DPP10: variants seen among roughly 807,000 people sequenced by gnomAD.
The protein encoded by DPP10 is dipeptidyl peptidase like 10, also known as inactive dipeptidyl peptidase 10.
Under a neutral mutation model 120.9 loss-of-function variants are expected in DPP10, and 33 were observed. The observed-to-expected ratio is 0.27, with a 90% CI of 0.21 to 0.37. The LOEUF (loss-of-function observed/expected upper bound fraction) is 0.37. Ranked by LOEUF, DPP10 falls within the 10% of genes least tolerant of loss-of-function variation. The pLI is 1.00. For synonymous variants in DPP10, 337 were observed against 326.1 expected (o/e 1.03, Z -0.36); for missense variants, 816 against 942.8 (o/e 0.87, Z 1.76).
intron 5 of DPP10, among the ~76,000 whole-genome samples, chr2:115,634,598 C>T (rs1205527737): frequency 6.6e-6 from 1 of 152,156 alleles, no homozygotes; most frequent in Non-Finnish European, 1.5e-5. Context: ...CCTCTGGGAT[C>T]TCTGTACCAG....
chr2:114,774,936 C>T (rs945877503), intron 1 of DPP10, among the ~76,000 whole-genome samples: 4 of 151,882 alleles, frequency 2.6e-5, no homozygotes, highest in African/African-American at 9.7e-5. Flanking sequence ...ATTCTCTAAG[C>T]AATTCTTAGT....
intron 3 of DPP10, among the ~76,000 whole-genome samples, chr2:115,485,287 T>A (rs1262664069): frequency 6.7e-6 from 1 of 150,342 alleles, no homozygotes; most frequent in African/African-American, 2.5e-5. Context: ...TACATATGCT[T>A]GAGAAGTTAT....
At chr2:115,776,104 A>G (rs1394367508) in intron 13 of DPP10, among the ~76,000 whole-genome samples, 1 of 152,136 alleles carries the variant, frequency 6.6e-6, no homozygotes, top group Non-Finnish European at 1.5e-5. Flanking sequence ...ATCAGAGTGA[A>G]GTAGCTTGAG....
At chr2:114,448,727 C>T (rs1435036898) in intron 1 of DPP10, among the ~76,000 whole-genome samples, 1 of 152,160 alleles carries the variant, frequency 6.6e-6, no homozygotes, top group African/African-American at 2.4e-5. Context: ...GAGGTCTAAA[C>T]AGCTTCAGAA....
chr2:114,872,895 A>G (rs1009357538), intron 1 of DPP10, among the ~76,000 whole-genome samples: 7 of 152,226 alleles, frequency 4.6e-5, no homozygotes, highest in Admixed American at 2.0e-4. Flanking sequence ...CACGTTCATT[A>G]CAATAGTTGA....
chr2:115,723,641 C>T (rs62155336), intron 7 of DPP10, among the ~76,000 whole-genome samples: 7,255 of 140,656 alleles, frequency 0.052, 273 homozygotes, highest in Middle Eastern at 0.1. Flanking sequence ...TTTTTTTACA[C>T]GGCTAGGTCC....
At chr2:115,335,775 AG>A (rs1199523977) in intron 2 of DPP10, among the ~76,000 whole-genome samples, 1 of 152,050 alleles carries the variant, frequency 6.6e-6, no homozygotes, top group African/African-American at 2.4e-5. Flanking sequence ...GAAATGCATT[AG>A]AAGACTATCC....
chr2:114,885,287 G>A (rs897200140), intron 1 of DPP10, among the ~76,000 whole-genome samples: 2 of 152,112 alleles, frequency 1.3e-5, no homozygotes, highest in African/African-American at 4.8e-5. Flanking sequence ...GGAGGCGCAG[G>A]TGCCGCAAAC....
At chr2:115,587,569 G>T (rs1440912669) in intron 5 of DPP10, among the ~76,000 whole-genome samples, 1 of 152,146 alleles carries the variant, frequency 6.6e-6, no homozygotes, top group African/African-American at 2.4e-5. Flanking sequence ...TACACTTCGT[G>T]CACCCCCATG....
chr2:115,349,319 G>A (rs2063873128), intron 3 of DPP10, among the ~76,000 whole-genome samples: 1 of 152,088 alleles, frequency 6.6e-6, no homozygotes, highest in Non-Finnish European at 1.5e-5. Flanking sequence ...GTAAGCCATG[G>A]CCTTTCAGCA....
chr2:115,609,896 C>T (rs1425516378), intron 5 of DPP10, among the ~76,000 whole-genome samples: 1 of 152,170 alleles, frequency 6.6e-6, no homozygotes, highest in East Asian at 1.9e-4. Context: ...TTAAGAGCTA[C>T]ACCATCATTT....
intron 1 of DPP10, among the ~76,000 whole-genome samples, chr2:114,619,641 A>G (rs1693945420): frequency 6.6e-6 from 1 of 152,062 alleles, no homozygotes; most frequent in Non-Finnish European, 1.5e-5. Context: ...AAATTAAAAT[A>G]AGCATTGATG....
At chr2:115,131,195 T>C (rs934218664) in intron 1 of DPP10, 5 of 152,072 alleles carry the variant, frequency 3.3e-5, no homozygotes, top group South Asian at 2.1e-4. Context: ...TCTATGAAAA[T>C]AGATGAACAT....
At chr2:115,675,614 G>A (rs1266351006) in intron 5 of DPP10, among the ~76,000 whole-genome samples, 2 of 152,206 alleles carry the variant, frequency 1.3e-5, no homozygotes, top group African/African-American at 2.4e-5. Context: ...GAATAGGTGA[G>A]TGGGGAATGC....
At chr2:114,942,617 CT>C (rs1697047021) in intron 1 of DPP10, among the ~76,000 whole-genome samples, 1 of 151,390 alleles carries the variant, frequency 6.6e-6, no homozygotes, top group African/African-American at 2.4e-5. Flanking sequence ...ACTCTAAGAT[CT>C]GTTCCTATAT....
chr2:114,753,423 G>A (rs964134212), intron 1 of DPP10, among the ~76,000 whole-genome samples: 6 of 152,164 alleles, frequency 3.9e-5, no homozygotes, highest in African/African-American at 1.4e-4. Context: ...TTGGGATAAT[G>A]TAAGTCTTAT....
intron 2 of DPP10, among the ~76,000 whole-genome samples, chr2:115,316,322 G>C (rs1030512685): frequency 1.3e-5 from 2 of 152,116 alleles, no homozygotes; most frequent in African/African-American, 2.4e-5. Flanking sequence ...CATAATCCTT[G>C]TAATATAAGT....
intron 1 of DPP10, among the ~76,000 whole-genome samples, chr2:114,518,633 C>T (rs1684799763): frequency 6.6e-6 from 1 of 152,172 alleles, no homozygotes; most frequent in Non-Finnish European, 1.5e-5. Context: ...GCTGTCCTCC[C>T]CGGCAGCATT....
Position 114,668,636 on chromosome 2 carries a change from G to T in DPP10, c.60+225798G>T, listed in dbSNP as rs368697899. On this transcript the variant is annotated intron_variant, in intron 1 of 25. Transcript: ENST00000410059. ...CCACACTCAGCAAAAATGAAAAGTA[G>T]CCTAAGGTAAAACCTGATACTTGTT... Among the ~76,000 whole-genome samples, 9 of 152,210 alleles carry T rather than the reference G, an allele frequency of 5.9e-5. No homozygotes were observed. The South Asian group carries it at 1.9e-3, about 32-fold the overall frequency.
Sources: allele counts gnomAD v4.1 joint callset (sites outside exome capture counted in the v4.1 genomes callset), GRCh38; gene constraint gnomAD v4.1.1; transcripts MANE v1.5; gene names NCBI Gene and HGNC (gene_info 2026-07-23, HGNC 2026-07-21).